Variants in SYTL3 observed in about 807,000 individuals in gnomAD.
The protein encoded by SYTL3 is synaptotagmin-like protein 3.
SYTL3 carries 88 observed loss-of-function variants against 82.1 expected under a neutral mutation model. The ratio of observed to expected loss-of-function variants is 1.07; its 90% CI spans 0.90 to 1.28. The LOEUF (loss-of-function observed/expected upper bound fraction) is 1.28, where lower values mean the gene tolerates loss of function less well. SYTL3 is among the 50% of genes most tolerant of loss of function. The pLI is 0.00. For missense variants in SYTL3, 831 were observed against 757.6 expected (o/e 1.10, Z -1.14); for synonymous variants, 311 against 289.4 (o/e 1.07, Z -0.76).
chr6:158,665,341 C>G, intron 4 of SYTL3, 54 bp from the exon 5 acceptor site: 1 of 1,519,386 alleles, frequency 6.6e-7, no homozygotes, highest in South Asian at 1.2e-5. Flanking sequence ...TGCCCTATAG[C>G]CTGGGGTCAG....
intron 5 of SYTL3, among the ~76,000 whole-genome samples, chr6:158,672,473 A>G (rs1205749988): frequency 6.6e-6 from 1 of 151,860 alleles, no homozygotes; most frequent in Non-Finnish European, 1.5e-5. Context: ...AACATTATGG[A>G]GACAGCTGAT....
chr6:158,668,317 C>T (rs1329844729), intron 5 of SYTL3, among the ~76,000 whole-genome samples: 1 of 151,730 alleles, frequency 6.6e-6, no homozygotes, highest in Non-Finnish European at 1.5e-5. Flanking sequence ...GCAACCTCTG[C>T]CTCCAGGTTC....
intron 11 of SYTL3, chr6:158,726,320 T>C (rs1481801815): frequency 2.6e-6 from 1 of 383,816 alleles, no homozygotes; most frequent in East Asian, 7.0e-5. Flanking sequence ...GTTTCTTCTT[T>C]TTTAAGAACT....
chr6:158,759,211 G>C (rs1359630840), intron 14 of SYTL3, among the ~76,000 whole-genome samples: 2 of 143,724 alleles, frequency 1.4e-5, no homozygotes, highest in Non-Finnish European at 3.0e-5. Context: ...GTGGCACAGA[G>C]CTGCAGGTGG....
At chr6:158,659,327 C>T (rs1287383908) in intron 2 of SYTL3, among the ~76,000 whole-genome samples, 2 of 152,156 alleles carry the variant, frequency 1.3e-5, no homozygotes, top group African/African-American at 2.4e-5. Context: ...AAGGAGCTGT[C>T]TGTCTAGGGA....
chr6:158,731,023 G>A (rs1383109890), intron 11 of SYTL3, among the ~76,000 whole-genome samples: 1 of 152,116 alleles, frequency 6.6e-6, no homozygotes, highest in African/African-American at 2.4e-5. Context: ...GGTGGCTCAC[G>A]CCTGTAATCC....
intron 5 of SYTL3, among the ~76,000 whole-genome samples, chr6:158,677,915 G>T (rs113838835): frequency 2.0e-5 from 3 of 152,010 alleles, no homozygotes; most frequent in Non-Finnish European, 4.4e-5. Context: ...TTTGAGAGAC[G>T]GTCTCACACT....
intron 6 of SYTL3, among the ~76,000 whole-genome samples, chr6:158,686,970 T>C (rs1779364587): frequency 1.3e-5 from 2 of 152,200 alleles, no homozygotes; most frequent in Admixed American, 1.3e-4. Context: ...AAAGTGGTTT[T>C]GCATGTTCTC....
Position 158,764,721 on chromosome 6 carries a change from C to A in SYTL3, c.*117C>A. On this transcript the variant is annotated 3_prime_UTR_variant, in exon 18 of 18. Coordinates refer to ENST00000611299, the MANE Select transcript of SYTL3 (RefSeq NM_001242394.2). ...GACCCCTTTGACCTTGAGCAGTCTC[C>A]ATCTGCGGCCCTGTCCCATGGCTTA... 1 of 689,108 alleles carries A rather than the reference C, an allele frequency of 1.5e-6. No individual in the cohort carries two copies. Among genetic ancestry groups the A allele is most frequent in the Non-Finnish European group, 2.6e-6 (1 of 384,100 alleles). 42.7% of individuals were successfully genotyped at this position (689,108 alleles called of 1,614,324 possible).
chr6:158,710,899 A>G (rs755089054), intron 8 of SYTL3, among the ~76,000 whole-genome samples: 11 of 149,022 alleles, frequency 7.4e-5, no homozygotes, highest in African/African-American at 2.5e-4. Flanking sequence ...TCCTGCCTCA[A>G]CCTCCTGAGT....
At chr6:158,676,904 C>G (rs1778101505) in intron 5 of SYTL3, among the ~76,000 whole-genome samples, 1 of 152,070 alleles carries the variant, frequency 6.6e-6, no homozygotes. Context: ...AGTCAGGAAA[C>G]AACAGGTGCT....
At chr6:158,754,879 G>A (rs1193639681) in intron 13 of SYTL3, among the ~76,000 whole-genome samples, 2 of 152,344 alleles carry the variant, frequency 1.3e-5, no homozygotes, top group East Asian at 1.9e-4. Flanking sequence ...GCCCGAGCCC[G>A]ACCCTGCTAA....
Position 158,697,421 on chromosome 6 carries a change from G to A in SYTL3, c.395-9809G>A, listed in dbSNP as rs139726872. On this transcript the variant is annotated intron_variant, in intron 6 of 17. Coordinates refer to ENST00000611299, the MANE Select transcript of SYTL3 (RefSeq NM_001242394.2). ...ACTGCACTCCAGCCTGGGTGATGGAGCAAAGACCCTGTCTCAAATCAGTCA... is the reference window on the plus strand; with the variant it reads ...ACTGCACTCCAGCCTGGGTGATGGAACAAAGACCCTGTCTCAAATCAGTCA... Among the ~76,000 whole-genome samples, 7 of 152,060 alleles carry A rather than the reference G, an allele frequency of 4.6e-5. No individual in the cohort carries two copies. The East Asian group carries it at 1.4e-3, about 29-fold the overall frequency.
At chr6:158,745,847 A>G (rs1439067350) in intron 12 of SYTL3, among the ~76,000 whole-genome samples, 189 bp downstream of exon 12, 1 of 152,188 alleles carries the variant, frequency 6.6e-6, no homozygotes, top group African/African-American at 2.4e-5. Context: ...AGAACAAGTC[A>G]GGAAAGTAGA....
intron 14 of SYTL3, among the ~76,000 whole-genome samples, chr6:158,757,755 T>C (rs1163610961): frequency 6.6e-6 from 1 of 152,210 alleles, no homozygotes; most frequent in African/African-American, 2.4e-5. Flanking sequence ...CCCAGGGGGC[T>C]ACAGTGTGTT....
Position 158,745,632 on chromosome 6 carries a change from A to T in SYTL3, c.1008A>T (p.Gly336=). Reference sequence around the variant, plus strand: ...AGGCCTGTAAGAACCTTGCCTATGGAGAAGAAAAGAAGAAAAAGTGCAATC... The same window carrying T: ...AGGCCTGTAAGAACCTTGCCTATGGTGAAGAAAAGAAGAAAAAGTGCAATC... ...CIKACKNLAY[G]EEKKKKCNPY... is the part of the protein sequence containing the mutation. The change falls in exon 12 of 18, where the codon GGA becomes GGT. Residue 336 remains glycine, a synonymous_variant. Transcript: ENST00000611299. 6.2e-7 allele frequency: 1 copy of T among 1,600,694 alleles called. No individual in the cohort carries two copies. The highest frequency in any genetic ancestry group is 2.2e-5 in the East Asian group (1 of 44,736).
chr6:158,678,556 G>C (rs150338843), intron 5 of SYTL3, among the ~76,000 whole-genome samples: 87 of 152,286 alleles, frequency 5.7e-4, no homozygotes, highest in Non-Finnish European at 1.0e-3. Context: ...TTGTGTGCTA[G>C]AATTTGCAAA....
At chr6:158,705,848 C>T (rs964049569) in intron 6 of SYTL3, among the ~76,000 whole-genome samples, 8 of 152,118 alleles carry the variant, frequency 5.3e-5, no homozygotes, top group Non-Finnish European at 1.2e-4. Context: ...ATATTGCCGC[C>T]CGCAGACTGC....
chr6:158,700,008 C>T (rs1352433730), intron 6 of SYTL3, among the ~76,000 whole-genome samples: 4 of 151,924 alleles, frequency 2.6e-5, no homozygotes, highest in Admixed American at 2.0e-4. Context: ...GCAATCCCAG[C>T]ACTTTGGGAG....
Sources: allele counts gnomAD v4.1 joint callset (sites outside exome capture counted in the v4.1 genomes callset), GRCh38; gene constraint gnomAD v4.1.1; transcripts MANE v1.5; gene names NCBI Gene and HGNC (gene_info 2026-07-23, HGNC 2026-07-21).